Variants in GSK3B observed in about 807,000 individuals in gnomAD.
GSK3B encodes glycogen synthase kinase-3 beta.
Under a neutral mutation model 56.4 loss-of-function variants are expected in GSK3B, and 15 were observed. That is an observed-to-expected ratio of 0.27 (90% confidence interval 0.18 to 0.41). The LOEUF (loss-of-function observed/expected upper bound fraction) is 0.41. Among genes scored for constraint, GSK3B ranks in the 10% least tolerant of loss-of-function variants. GSK3B has a pLI of 1.00. For missense variants in GSK3B, 300 were observed against 513.4 expected (o/e 0.58, Z 4.02); for synonymous variants, 181 against 188.9 (o/e 0.96, Z 0.34).
At chr3:119,907,088 C>T (rs2056689801) in intron 6 of GSK3B, among the ~76,000 whole-genome samples, 1 of 151,906 alleles carries the variant, frequency 6.6e-6, no homozygotes, top group African/African-American at 2.4e-5. Flanking sequence ...TTACTCAAAG[C>T]CAATAGTAAT....
chr3:120,029,966 A>G, intron 1 of GSK3B: 1 of 495,276 alleles, frequency 2.0e-6, no homozygotes, highest in Non-Finnish European at 4.1e-6. Flanking sequence ...CTCTGGCTTG[A>G]AAGACACCAG....
chr3:119,923,051 T>C (rs886714981), intron 4 of GSK3B, among the ~76,000 whole-genome samples: 1 of 152,190 alleles, frequency 6.6e-6, no homozygotes, highest in African/African-American at 2.4e-5. Context: ...TACGCTCCTA[T>C]TTTGGTTTGT....
intron 2 of GSK3B, among the ~76,000 whole-genome samples, chr3:119,958,584 G>A (rs1479189943): frequency 6.6e-6 from 1 of 152,022 alleles, no homozygotes; most frequent in Non-Finnish European, 1.5e-5. Context: ...AGACTGAGGT[G>A]GGAGGATCAC....
chr3:120,062,361 T>C (rs977226012), intron 1 of GSK3B, among the ~76,000 whole-genome samples: 2 of 152,210 alleles, frequency 1.3e-5, no homozygotes, highest in Non-Finnish European at 2.9e-5. Context: ...TTATACACTC[T>C]CACTCCATCC....
intron 3 of GSK3B, among the ~76,000 whole-genome samples, chr3:119,923,748 G>T (rs940910922): frequency 6.6e-6 from 1 of 151,996 alleles, no homozygotes; most frequent in South Asian, 2.1e-4. Context: ...CGATTATTTT[G>T]GTTACCATGA....
At chr3:120,049,715 T>C (rs2107540727) in intron 1 of GSK3B, among the ~76,000 whole-genome samples, 1 of 152,240 alleles carries the variant, frequency 6.6e-6, no homozygotes, top group East Asian at 1.9e-4. Flanking sequence ...TTACCTGGGG[T>C]AGGACAGAAG....
At chr3:119,962,868 G>A (rs930811437) in intron 2 of GSK3B, among the ~76,000 whole-genome samples, 2 of 152,100 alleles carry the variant, frequency 1.3e-5, no homozygotes, top group African/African-American at 4.8e-5. Flanking sequence ...CCTCGCATGC[G>A]GATGTCACAA....
At chr3:120,043,140 G>A (rs1553750687) in intron 1 of GSK3B, among the ~76,000 whole-genome samples, 1 of 152,106 alleles carries the variant, frequency 6.6e-6, no homozygotes, top group Non-Finnish European at 1.5e-5. Flanking sequence ...CATCAAGGAG[G>A]AAAAACTTGA....
intron 2 of GSK3B, among the ~76,000 whole-genome samples, chr3:119,997,525 G>T (rs892558470): frequency 1.3e-5 from 2 of 152,180 alleles, no homozygotes; most frequent in Admixed American, 6.5e-5. Flanking sequence ...GGATGGGAAG[G>T]CTGAATATTG....
chr3:119,952,487 C>CA (rs59526500), intron 2 of GSK3B, among the ~76,000 whole-genome samples: 967 of 96,024 alleles, frequency 0.01, 13 homozygotes, highest in South Asian at 0.025. Context: ...GACTCTGTCT[C>CA]AAAAAAAAAA....
chr3:119,958,376 G>A (rs370047523), intron 2 of GSK3B, among the ~76,000 whole-genome samples: 30 of 129,592 alleles, frequency 2.3e-4, no homozygotes, highest in African/African-American at 6.9e-4. Flanking sequence ...TAGAGTTATC[G>A]AAAAAGGGGT....
At position 119,884,128 on chromosome 3, in the gene GSK3B, T is replaced by C. The variant is rs1024403432; in HGVS notation, c.814-7620A>G. Among the ~76,000 whole-genome samples, 2 of 151,942 alleles carry C rather than the reference T, an allele frequency of 1.3e-5. 1 individual carries two copies. ...AAAAAGAGAAATTGAAACAGAAGGC[T>C]GAGTTAGAAGTACAAGGAGTTGGGT... On this transcript the variant is annotated intron_variant, in intron 7 of 10. Transcript: ENST00000264235.
At chr3:119,889,624 G>A (rs1041965685) in intron 7 of GSK3B, among the ~76,000 whole-genome samples, 1 of 151,986 alleles carries the variant, frequency 6.6e-6, no homozygotes, top group African/African-American at 2.4e-5. Flanking sequence ...AGTAAAAGAG[G>A]GGGAAAAACA....
intron 8 of GSK3B, among the ~76,000 whole-genome samples, chr3:119,870,396 T>C (rs1344514348): frequency 1.3e-5 from 2 of 152,226 alleles, no homozygotes; most frequent in African/African-American, 4.8e-5. Flanking sequence ...ACATAGAAGA[T>C]ACAAGATTTA....
chr3:119,959,596 C>T (rs1429380246), intron 2 of GSK3B, among the ~76,000 whole-genome samples: 3 of 150,298 alleles, frequency 2.0e-5, no homozygotes, highest in African/African-American at 7.4e-5. Context: ...CTCACTGCAA[C>T]CTCTGTCTCC....
At chr3:119,859,327 A>G (rs889864080) in intron 9 of GSK3B, among the ~76,000 whole-genome samples, 1 of 152,222 alleles carries the variant, frequency 6.6e-6, no homozygotes, top group Non-Finnish European at 1.5e-5. Context: ...ACTTAGAAGA[A>G]AATGCCTAGC....
intron 2 of GSK3B, among the ~76,000 whole-genome samples, chr3:119,995,737 A>T (rs2057610326): frequency 3.1e-5 from 4 of 130,568 alleles, no homozygotes; most frequent in South Asian, 2.5e-4. Flanking sequence ...GCCTGAAATA[A>T]TTTTTTTTTT....
At chr3:119,906,826 T>C (rs1036074048) in intron 6 of GSK3B, among the ~76,000 whole-genome samples, 1 of 152,110 alleles carries the variant, frequency 6.6e-6, no homozygotes, top group African/African-American at 2.4e-5. Flanking sequence ...AGTAAATGGT[T>C]GACAACAAAA....
intron 2 of GSK3B, among the ~76,000 whole-genome samples, chr3:119,975,727 C>CA (rs1179439275): frequency 1.3e-5 from 2 of 152,068 alleles, no homozygotes; most frequent in Admixed American, 1.3e-4. Context: ...CTGTACAACA[C>CA]AAAGAGTGAA....
Sources: gnomAD v4.1 joint callset for allele counts (sites outside exome capture counted in the v4.1 genomes callset) on GRCh38, gnomAD v4.1.1 for gene constraint, MANE v1.5 for transcripts, NCBI Gene and HGNC (gene_info 2026-07-23, HGNC 2026-07-21) for gene names.